The following PTPRS variants were observed in gnomAD, a reference collection of about 807,000 sequenced individuals.
PTPRS encodes the protein receptor-type tyrosine-protein phosphatase S.
PTPRS carries 63 observed loss-of-function variants against 215.3 expected under a neutral mutation model. The observed-to-expected ratio is 0.29, with a 90% CI of 0.24 to 0.36. The LOEUF (loss-of-function observed/expected upper bound fraction) is 0.36. Ranked by LOEUF, PTPRS falls within the 10% of genes least tolerant of loss-of-function variation. The probability of loss-of-function intolerance (pLI) is 1.00; values close to 1 mark genes in which losing one functional copy is unlikely to be tolerated. For synonymous variants in PTPRS, 1,404 were observed against 1,191.4 expected, an observed-to-expected ratio of 1.18 and a Z score of -3.68; for missense variants, 2,258 against 2,825.8, an observed-to-expected ratio of 0.80 and a Z score of 4.56.
rs2042047833 is a variant in PTPRS, at chr19:5,222,306, T to TGGGGC, written c.3104-91_3104-87dup. ...CTGGGTGGCGTGAAGCGGGGTGGGG[T>TGGGGC]GGGGCGGCCCAGGCGCTCCCTGTCG... On this transcript the variant is annotated intron_variant, in intron 18 of 37. Coordinates refer to ENST00000262963, the MANE Select transcript of PTPRS (RefSeq NM_002850.4). The TGGGGC allele has an allele frequency of 3.4e-6, 4 of 1,169,932 alleles. No homozygotes were observed. In the South Asian group the frequency reaches 5.0e-5, roughly 15 times the overall value. The allele number at this position is 1,169,932 out of a possible 1,614,324, so 72.5% of individuals were successfully genotyped here.
At chr19:5,273,399 C>T (rs2146581762) in intron 4 of PTPRS, 43 bp downstream of exon 4, 1 of 1,613,376 alleles carries the variant, frequency 6.2e-7, no homozygotes, top group African/African-American at 1.3e-5. Context: ...CCCCAAAGCC[C>T]AGGGCCCAGT....
chr19:5,259,803 G>C (rs937191982), intron 7 of PTPRS, among the ~76,000 whole-genome samples: 10 of 152,158 alleles, frequency 6.6e-5, no homozygotes, highest in African/African-American at 2.2e-4. Flanking sequence ...GAAATGACAT[G>C]GACCCACAGA....
chr19:5,218,365 T>C, intron 25 of PTPRS, 55 bp downstream of exon 25: 3 of 1,524,728 alleles, frequency 2.0e-6, no homozygotes, highest in Non-Finnish European at 2.7e-6. Flanking sequence ...CTACTGCTTC[T>C]CCCCAGCTAT....
At chr19:5,241,942 T>G (rs1465895878) in intron 11 of PTPRS, among the ~76,000 whole-genome samples, 1 of 151,660 alleles carries the variant, frequency 6.6e-6, no homozygotes, top group Non-Finnish European at 1.5e-5. Context: ...TCCAAGTGAT[T>G]CACCTGCCTC....
intron 2 of PTPRS, among the ~76,000 whole-genome samples, chr19:5,280,305 T>C (rs910208063): frequency 2.0e-5 from 3 of 152,254 alleles, no homozygotes; most frequent in African/African-American, 7.2e-5. Context: ...TGGCTCAGGC[T>C]GGGCTTTAAA....
intron 1 of PTPRS, among the ~76,000 whole-genome samples, chr19:5,307,398 T>C (rs1315005665): frequency 1.4e-5 from 2 of 145,808 alleles, no homozygotes; most frequent in African/African-American, 2.4e-5. Flanking sequence ...ATTAGTATCT[T>C]AGTGTTATGA....
Position 5,237,885 on chromosome 19 carries a change from A to AC in PTPRS, c.1849+1033dup, listed in dbSNP as rs574291181. Among the ~76,000 whole-genome samples, 191 of 147,564 alleles carry AC rather than the reference A, an allele frequency of 1.3e-3. 3 individuals carry two copies. The East Asian group carries it at 0.035, about 27-fold the overall frequency. On this transcript the variant is annotated intron_variant, in intron 13 of 37. Coordinates refer to ENST00000262963, the MANE Select transcript of PTPRS (RefSeq NM_002850.4). This position sits in a 1 kb window ranked among gnomAD's most constrained non-coding sequence, Gnocchi z 4.2. ...GGGGGTTGTGTCTCCGAGGCGCCCC[A>AC]CCCCCCCGATCCCAGCGGCTCAGAT...
rs1600053900 is a variant in PTPRS, at chr19:5,294,535, G to A, written c.-94-8301C>T. 6.6e-6 allele frequency: 1 copy of A among 152,212 alleles called. No homozygotes were observed. The highest frequency in any genetic ancestry group is 2.4e-5 in the African/African-American group (1 of 41,428). 9.4% of individuals were successfully genotyped at this position (152,212 alleles called of 1,614,324 possible). A position where few individuals can be genotyped will look rare whatever the true frequency, so the allele number is the denominator to read the frequency against. On this transcript the variant is annotated intron_variant, in intron 1 of 37. Coordinates refer to ENST00000262963, the MANE Select transcript of PTPRS (RefSeq NM_002850.4). The surrounding 1 kb of genome is among the most constrained non-coding windows in gnomAD (Gnocchi z 5.1). ...GGGGCAAAGGACGTGGGCTTTGATG[G>A]GAGACACACAGGCGGCTGTGAGAGC...
In PTPRS at chr19:5,223,007, G is replaced by T; in HGVS notation, c.2785C>A (p.Arg929Ser). 1 of 1,542,264 alleles carries T rather than the reference G, an allele frequency of 6.5e-7. No homozygotes were observed. Residue 929 changes from arginine to serine, a missense_variant, in exon 18 of 38, where the codon CGT (arginine) becomes AGT (serine). This residue lies in a region of PTPRS where 361 missense variants were observed against 332.6 expected (regional missense o/e 1.09). Coordinates refer to ENST00000262963, the MANE Select transcript of PTPRS (RefSeq NM_002850.4). ...EVLSIPEDTP[R>S]GHPQILEAAG... ...GCCTCCAGAATCTGCGGGTGGCCAC[G>T]GGGCGTGTCCTCCGGGATGCTCAGG...
At chr19:5,326,719 AAAG>A (rs1032016797) in intron 1 of PTPRS, among the ~76,000 whole-genome samples, 1 of 151,812 alleles carries the variant, frequency 6.6e-6, no homozygotes, top group Non-Finnish European at 1.5e-5. Flanking sequence ...GAAACGAAGA[AAAG>A]AAAGGAAGAG....
intron 1 of PTPRS, among the ~76,000 whole-genome samples, chr19:5,335,113 T>C (rs905495364): frequency 3.3e-5 from 5 of 152,074 alleles, no homozygotes. Flanking sequence ...CGATGGGCCA[T>C]CCTCCCAGCC....
In PTPRS at chr19:5,220,083, G is replaced by A. The variant is rs376767464; in HGVS notation, c.3621C>T (p.Pro1207=). The A allele has an allele frequency of 3.1e-6, 5 of 1,613,782 alleles. No homozygotes were observed. The African/African-American group carries it at 5.3e-5, about 17-fold the overall frequency. ...RHSRQLEVPR[P]YIAARFSVLP... ...GCACAGAGAAGCGAGCTGCAATATA[G>A]GGCCGGGGCACCTCCAGCTGACGCG... is the stretch of plus-strand genomic sequence containing the variant. The change falls in exon 22 of 38, where the codon CCC becomes CCT. Residue 1207 remains proline, a synonymous_variant. Coordinates refer to ENST00000262963, the MANE Select transcript of PTPRS (RefSeq NM_002850.4).
intron 1 of PTPRS, among the ~76,000 whole-genome samples, chr19:5,297,379 A>T (rs2049167759): frequency 6.6e-6 from 1 of 152,234 alleles, no homozygotes; most frequent in Non-Finnish European, 1.5e-5. Flanking sequence ...AAACTGTTTC[A>T]TGCGGCCGTT....
intron 1 of PTPRS, among the ~76,000 whole-genome samples, chr19:5,289,919 G>A (rs1424543092): frequency 6.6e-6 from 1 of 152,202 alleles, no homozygotes; most frequent in Non-Finnish European, 1.5e-5. Context: ...TTGGTGCCAG[G>A]CCAACCCTCC....
chr19:5,210,390 G>A lies in PTPRS; in HGVS notation c.5487+79C>T. The A allele has an allele frequency of 6.3e-7, 1 of 1,592,794 alleles. No homozygotes were observed. The highest frequency in any genetic ancestry group is 1.1e-5 in the South Asian group (1 of 88,270). ...TGCTTATGCCTAACCCTTGGCCTTTGTATCCATCACCAACCAGGGCAGCCC... is the reference window on the plus strand; with the variant it reads ...TGCTTATGCCTAACCCTTGGCCTTTATATCCATCACCAACCAGGGCAGCCC... On this transcript the variant is annotated intron_variant, in intron 35 of 37. Transcript: ENST00000262963. The surrounding 1 kb of genome is among the most constrained non-coding windows in gnomAD (Gnocchi z 4.5).
chr19:5,313,043 T>C (rs1255402575), intron 1 of PTPRS, among the ~76,000 whole-genome samples: 1 of 152,214 alleles, frequency 6.6e-6, no homozygotes, highest in Non-Finnish European at 1.5e-5. Flanking sequence ...GCCTCCCAAG[T>C]AGCTGGAATA....
intron 9 of PTPRS, among the ~76,000 whole-genome samples, chr19:5,250,319 CA>C (rs2044882929): frequency 6.6e-6 from 1 of 152,202 alleles, no homozygotes; most frequent in South Asian, 2.1e-4. Context: ...GGCCTCTGGG[CA>C]TCCTCCCAGC....
At chr19:5,310,793 A>G (rs1396419756) in intron 1 of PTPRS, among the ~76,000 whole-genome samples, 3 of 151,136 alleles carry the variant, frequency 2.0e-5, no homozygotes, top group Non-Finnish European at 4.4e-5. Context: ...GCAGCCTTGA[A>G]CTCCTCAGCT....
intron 17 of PTPRS, 132 bp from the exon 18 acceptor site, chr19:5,223,429 T>G: frequency 8.7e-7 from 1 of 1,142,984 alleles, no homozygotes; most frequent in African/African-American, 1.6e-5. Context: ...CTTACTCTGT[T>G]GCCCAGCCTG....
Sources: allele counts gnomAD v4.1 joint callset (sites outside exome capture counted in the v4.1 genomes callset), GRCh38; gene constraint gnomAD v4.1.1; regional missense constraint gnomAD v4.1.1; non-coding constraint Gnocchi (gnomAD v3.1); transcripts MANE v1.5; gene names NCBI Gene and HGNC (gene_info 2026-07-23, HGNC 2026-07-21).